TENM3: variants seen among roughly 807,000 people sequenced by gnomAD.
TENM3 encodes the protein teneurin transmembrane protein 3, also known as teneurin-3.
Under a neutral mutation model 255.1 loss-of-function variants are expected in TENM3, and 63 were observed. The observed-to-expected ratio is 0.25, with a 90% CI of 0.20 to 0.30. The LOEUF is 0.30. Among genes scored for constraint, TENM3 ranks in the 10% least tolerant of loss-of-function variants. The pLI is 1.00. For synonymous variants in TENM3, 1,306 were observed against 1,322.3 expected (o/e 0.99, Z 0.27); for missense variants, 2,929 against 3,461.1 (o/e 0.85, Z 3.86).
the TENM3 span, among the ~76,000 whole-genome samples, chr4:181,854,516 G>A: frequency 1.3e-5 from 2 of 152,132 alleles, no homozygotes; most frequent in Non-Finnish European, 2.9e-5. Context: ...GGCAATAAAT[G>A]GTAATGTTTG....
intron 12 of TENM3, among the ~76,000 whole-genome samples, chr4:182,692,875 C>T (rs892105971): frequency 2.0e-5 from 3 of 151,914 alleles, no homozygotes; most frequent in Admixed American, 1.3e-4. Context: ...TCTCTCCATC[C>T]GTTATCCTAA....
the TENM3 span, among the ~76,000 whole-genome samples, chr4:181,568,672 G>C: frequency 1.3e-5 from 2 of 152,174 alleles, no homozygotes; most frequent in South Asian, 4.1e-4. Context: ...TCAGGCAATA[G>C]AGTCCTCGCA....
intron 6 of TENM3, among the ~76,000 whole-genome samples, chr4:182,655,723 A>G (rs1352634507): frequency 1.3e-5 from 2 of 152,186 alleles, no homozygotes; most frequent in Non-Finnish European, 1.5e-5. Context: ...ATGTGGCCAT[A>G]TTAATAGAAA....
chr4:182,760,050 C>T (rs1682695914), intron 22 of TENM3, among the ~76,000 whole-genome samples: 1 of 152,094 alleles, frequency 6.6e-6, no homozygotes, highest in Non-Finnish European at 1.5e-5. Flanking sequence ...TTATTCATTA[C>T]GGACTGAGTA....
At position 182,800,488 on chromosome 4, in the gene TENM3, C is replaced by G. The variant is rs1013328116; in HGVS notation, c.*137C>G. ...GCTGTTACGACCCACACCCACACCG[C>G]GAAAACAAGGACCGCTTTTTTCCGA... On this transcript the variant is annotated 3_prime_UTR_variant, in exon 28 of 28. Transcript: ENST00000511685. The G allele has an allele frequency of 7.9e-5, 88 of 1,114,892 alleles. No individual in the cohort carries two copies. Among genetic ancestry groups the G allele is most frequent in the Admixed American group, 1.2e-4 (4 of 32,392 alleles). 69.1% of individuals were successfully genotyped at this position (1,114,892 alleles called of 1,614,324 possible).
intron 3 of TENM3, among the ~76,000 whole-genome samples, chr4:182,580,997 A>G (rs142074986): frequency 5.2e-4 from 79 of 152,348 alleles, no homozygotes; most frequent in African/African-American, 1.7e-3. Flanking sequence ...GTAAAATTAT[A>G]TATTTAAGGT....
At chr4:181,781,587 T>G in the TENM3 span, among the ~76,000 whole-genome samples, 2 of 152,286 alleles carry the variant, frequency 1.3e-5, no homozygotes, top group South Asian at 4.1e-4. Flanking sequence ...GACTTCCTCT[T>G]TTCCTAATTG....
chr4:182,422,422 C>T (rs886461283), intron 3 of TENM3, among the ~76,000 whole-genome samples: 1 of 152,156 alleles, frequency 6.6e-6, no homozygotes, highest in African/African-American at 2.4e-5. Flanking sequence ...CTTTGAGTAA[C>T]CTCGCAACCA....
intron 16 of TENM3, among the ~76,000 whole-genome samples, chr4:182,733,792 A>G (rs1387981396): frequency 5.3e-5 from 8 of 152,208 alleles, no homozygotes; most frequent in African/African-American, 1.9e-4. Context: ...AACCTCAATC[A>G]ATTTAATACT....
the TENM3 span, among the ~76,000 whole-genome samples, chr4:181,757,940 G>T: frequency 6.6e-6 from 1 of 152,218 alleles, no homozygotes; most frequent in African/African-American, 2.4e-5. Context: ...TCTATGATTT[G>T]CAAGCTACTA....
At chr4:182,698,311 G>A (rs1340693594) in intron 12 of TENM3, among the ~76,000 whole-genome samples, 1 of 152,174 alleles carries the variant, frequency 6.6e-6, no homozygotes, top group Non-Finnish European at 1.5e-5. Flanking sequence ...CCCCAAAGGT[G>A]GTAGTAATTT....
the TENM3 span, among the ~76,000 whole-genome samples, chr4:181,553,315 T>A: frequency 9.0e-6 from 1 of 111,272 alleles, no homozygotes; most frequent in East Asian, 2.3e-4. Context: ...TGTGTATGTG[T>A]ATGCGTATAT....
At chr4:182,210,505 T>C (rs1422233271) in intron 1 of TENM3, among the ~76,000 whole-genome samples, 1 of 151,940 alleles carries the variant, frequency 6.6e-6, no homozygotes, top group Non-Finnish European at 1.5e-5. Context: ...GTATTTATTA[T>C]ATTTTGTATT....
chr4:181,617,127 C>T, the TENM3 span, among the ~76,000 whole-genome samples: 5 of 152,044 alleles, frequency 3.3e-5, no homozygotes, highest in African/African-American at 1.2e-4. Flanking sequence ...GCATATAAAT[C>T]TTGTAAAATG....
At chr4:181,592,181 T>C in the TENM3 span, among the ~76,000 whole-genome samples, 1 of 151,522 alleles carries the variant, frequency 6.6e-6, no homozygotes, top group African/African-American at 2.4e-5. Flanking sequence ...ATAATGTCAA[T>C]TTGCCGATTA....
the TENM3 span, among the ~76,000 whole-genome samples, chr4:181,597,032 A>G: frequency 7.7e-4 from 117 of 152,316 alleles, no homozygotes; most frequent in African/African-American, 2.6e-3. Context: ...AAGTTAATCT[A>G]TGTAACAAAC....
chr4:182,035,161 G>T, the TENM3 span, among the ~76,000 whole-genome samples: 1 of 152,108 alleles, frequency 6.6e-6, no homozygotes, highest in Non-Finnish European at 1.5e-5. Flanking sequence ...ATACCTGAAG[G>T]TTTGTTTCTA....
chr4:182,787,033 T>C (rs1407611855), intron 24 of TENM3, among the ~76,000 whole-genome samples: 1 of 150,602 alleles, frequency 6.6e-6, no homozygotes, highest in Non-Finnish European at 1.5e-5. Flanking sequence ...CAAATATTTC[T>C]ACAGACTTTA....
At position 182,464,578 on chromosome 4, in the gene TENM3, A is replaced by G. The variant is rs1433583414; in HGVS notation, c.511+117649A>G. Among the ~76,000 whole-genome samples, 4 of 152,322 alleles carry G rather than the reference A, an allele frequency of 2.6e-5. No individual in the cohort carries two copies. In the East Asian group the frequency reaches 5.8e-4, roughly 22 times the overall value. ...GGCCTGTTACAATACTTTTAATCTC[A>G]AAATGAATTAAAAATACTAGAGTAT... On this transcript the variant is annotated intron_variant, in intron 3 of 27. Transcript: ENST00000511685.
Sources: allele counts gnomAD v4.1 joint callset (sites outside exome capture counted in the v4.1 genomes callset), GRCh38; gene constraint gnomAD v4.1.1; transcripts MANE v1.5; gene names NCBI Gene and HGNC (gene_info 2026-07-23, HGNC 2026-07-21).